The following PRKN variants were observed in gnomAD, a reference collection of about 807,000 sequenced individuals.
PRKN encodes E3 ubiquitin-protein ligase parkin.
A neutral mutation model predicts 59.5 loss-of-function variants in PRKN; 56 were observed. The observed-to-expected ratio is 0.94, with a 90% CI of 0.76 to 1.18. PRKN has a LOEUF of 1.18. PRKN is among the 50% of genes most tolerant of loss of function. The pLI is 0.00. For synonymous variants in PRKN, 250 were observed against 222.1 expected, an observed-to-expected ratio of 1.13 and a Z score of -1.12; for missense variants, 657 against 596.4, an observed-to-expected ratio of 1.10 and a Z score of -1.06.
chr6:161,516,339 T>C (rs1004567273), intron 9 of PRKN, among the ~76,000 whole-genome samples: 1 of 149,902 alleles, frequency 6.7e-6, no homozygotes, highest in Admixed American at 6.6e-5. Flanking sequence ...TGATGGCGGG[T>C]GCCTGTAATT....
rs11757890 is a variant in PRKN, at chr6:162,584,225, C to A, written c.8-140752G>T. On this transcript the variant is annotated intron_variant, in intron 1 of 11. Transcript: ENST00000366898. ...GAGACTCCGTCTCAAAAAAAAAAAACAAAAAACAAAAAACAAAAAACAAAA... is the reference window on the plus strand; with the variant it reads ...GAGACTCCGTCTCAAAAAAAAAAAAAAAAAAACAAAAAACAAAAAACAAAA... Among the ~76,000 whole-genome samples the A allele has an allele frequency of 6.4e-3, 440 of 69,224 alleles. 25 individuals are homozygous for A. Among genetic ancestry groups the A allele is most frequent in the Middle Eastern group, 0.043 (5 of 116 alleles). 45.4% of individuals were successfully genotyped at this position (69,224 alleles called of 152,430 possible).
At chr6:161,864,922 G>C (rs951698277) in intron 6 of PRKN, among the ~76,000 whole-genome samples, 2 of 152,112 alleles carry the variant, frequency 1.3e-5, no homozygotes, top group Non-Finnish European at 2.9e-5. Context: ...ACAAAGTGCT[G>C]GGATTACAGG....
At chr6:161,596,115 C>A (rs1781903293) in intron 7 of PRKN, among the ~76,000 whole-genome samples, 1 of 152,142 alleles carries the variant, frequency 6.6e-6, no homozygotes, top group Non-Finnish European at 1.5e-5. Context: ...CTGTACAAAG[C>A]TTGCTATACC....
intron 5 of PRKN, among the ~76,000 whole-genome samples, chr6:162,021,455 ATATATATTTT>A (rs149921401): frequency 0.14 from 6,702 of 49,152 alleles, 187 homozygotes; most frequent in African/African-American, 0.17. Flanking sequence ...ATATATATAT[ATATATATTTT>A]TTTTTTTTTT....
chr6:162,258,532 TA>T (rs11314776), intron 3 of PRKN, among the ~76,000 whole-genome samples: 73,538 of 152,034 alleles, frequency 0.48, 20,801 homozygotes, highest in East Asian at 0.79. Context: ...GAAAATGTAG[TA>T]AAAATAGATT....
intron 1 of PRKN, among the ~76,000 whole-genome samples, chr6:162,637,223 C>T (rs1027622185): frequency 2.6e-5 from 4 of 151,884 alleles, no homozygotes; most frequent in Admixed American, 6.6e-5. Flanking sequence ...CGCCGCTGCA[C>T]TCCAGCCCTG....
intron 5 of PRKN, among the ~76,000 whole-genome samples, chr6:162,015,611 T>G (rs1011347537): frequency 6.6e-6 from 1 of 152,198 alleles, no homozygotes; most frequent in Non-Finnish European, 1.5e-5. Context: ...CTTTCTCCCC[T>G]GTCACCTTCC....
Position 161,554,599 on chromosome 6 carries a change from A to G in PRKN, c.934-5596T>C, listed in dbSNP as rs935189650. On this transcript the variant is annotated intron_variant, in intron 8 of 11. Coordinates refer to ENST00000366898, the MANE Select transcript of PRKN (RefSeq NM_004562.3). The surrounding 1 kb of genome is among the most constrained non-coding windows in gnomAD (Gnocchi z 4.5). Reference sequence around the variant, plus strand: ...TTATTTAGGGCTTTTATTCTTGATAATGAGTTTGGCTGCATAAAAAATCTT... The same window carrying G: ...TTATTTAGGGCTTTTATTCTTGATAGTGAGTTTGGCTGCATAAAAAATCTT... Among the ~76,000 whole-genome samples the G allele has an allele frequency of 1.3e-5, 2 of 152,000 alleles. No homozygotes were observed. The highest frequency in any genetic ancestry group is 4.8e-5 in the African/African-American group (2 of 41,380).
chr6:162,232,999 T>C (rs890889442), intron 3 of PRKN, among the ~76,000 whole-genome samples: 6 of 152,302 alleles, frequency 3.9e-5, no homozygotes, highest in Admixed American at 6.5e-5. Context: ...AGTGTGTTTA[T>C]TTATTTTGCA....
chr6:161,624,888 T>C (rs1162275485), intron 7 of PRKN, among the ~76,000 whole-genome samples: 1 of 152,234 alleles, frequency 6.6e-6, no homozygotes, highest in Non-Finnish European at 1.5e-5. Context: ...GATACGATAG[T>C]TGAATTCCTA....
At chr6:161,603,851 G>A (rs559080723) in intron 7 of PRKN, among the ~76,000 whole-genome samples, 1 of 152,300 alleles carries the variant, frequency 6.6e-6, no homozygotes, top group Admixed American at 6.5e-5. Context: ...AGCTGAAAGG[G>A]AAATCCAAGA....
In PRKN at chr6:162,128,703, G is replaced by C. The variant is rs574192751; in HGVS notation, c.534+72428C>G. The stretch of plus-strand genomic sequence containing the variant: ...CTAATCCCCAATGTGATAGCATTAA[G>C]GGTGGGGGCCTTTGGGAAGTGATTA... On this transcript the variant is annotated intron_variant, in intron 4 of 11. Coordinates refer to ENST00000366898, the MANE Select transcript of PRKN (RefSeq NM_004562.3). Among the ~76,000 whole-genome samples, 17 of 152,318 alleles carry C rather than the reference G, an allele frequency of 1.1e-4. No individual in the cohort carries two copies. In the East Asian group the frequency reaches 1.4e-3, roughly 12 times the overall value.
At chr6:162,134,307 C>CA (rs1329004565) in intron 4 of PRKN, among the ~76,000 whole-genome samples, 2 of 152,132 alleles carry the variant, frequency 1.3e-5, no homozygotes, top group Non-Finnish European at 2.9e-5. Flanking sequence ...ATCTGGGAAG[C>CA]AAGATAGCAC....
At position 162,610,817 on chromosome 6, in the gene PRKN, T is replaced by A. The variant is rs375355011; in HGVS notation, c.7+116845A>T. On this transcript the variant is annotated intron_variant, in intron 1 of 11. Coordinates refer to ENST00000366898, the MANE Select transcript of PRKN (RefSeq NM_004562.3). Reference sequence around the variant, plus strand: ...CATCTCTATAGCAGGAATCCTTAATTCATTCGAGATTTTATGATAAATTTT... The same window carrying A: ...CATCTCTATAGCAGGAATCCTTAATACATTCGAGATTTTATGATAAATTTT... Among the ~76,000 whole-genome samples the A allele has an allele frequency of 9.8e-4, 150 of 152,308 alleles. 1 individual carries two copies. The highest frequency in any genetic ancestry group is 3.5e-3 in the African/African-American group (144 of 41,576).
At chr6:161,516,599 T>A (rs509205) in intron 9 of PRKN, among the ~76,000 whole-genome samples, 106,202 of 150,572 alleles carry the variant, frequency 0.71, 37,498 homozygotes, top group Middle Eastern at 0.8. Context: ...AGGCCGAGAC[T>A]GGTGGATCAC....
At position 161,370,065 on chromosome 6, in the gene PRKN, G is replaced by T. The variant is rs542808705; in HGVS notation, c.1168-9860C>A. 135 of 392,584 alleles carry T rather than the reference G, an allele frequency of 3.4e-4. 1 individual carries two copies. Among genetic ancestry groups the T allele is most frequent in the African/African-American group, 2.6e-3 (130 of 49,396 alleles). The allele number at this position is 392,584 out of a possible 1,614,324, so 24.3% of individuals were successfully genotyped here. The stretch of plus-strand genomic sequence containing the variant: ...ATCACGATCATCTCTAAAGAGATGG[G>T]AATATGACCCTGTGGGAGTTTGTAC... On this transcript the variant is annotated intron_variant, in intron 10 of 11. Coordinates refer to ENST00000366898, the MANE Select transcript of PRKN (RefSeq NM_004562.3).
At chr6:162,653,329 T>TCTGC (rs5881489) in intron 1 of PRKN, among the ~76,000 whole-genome samples, 2 of 151,718 alleles carry the variant, frequency 1.3e-5, no homozygotes, top group East Asian at 3.9e-4. Flanking sequence ...TGTGTGTGTG[T>TCTGC]GTGTTTGTGT....
At chr6:162,330,433 A>G (rs1783519159) in intron 2 of PRKN, among the ~76,000 whole-genome samples, 1 of 151,560 alleles carries the variant, frequency 6.6e-6, no homozygotes, top group Admixed American at 6.6e-5. Context: ...TATAAAAGAA[A>G]GCAAACAGCT....
chr6:161,431,940 T>C (rs1368193520), intron 9 of PRKN, among the ~76,000 whole-genome samples: 3 of 152,216 alleles, frequency 2.0e-5, no homozygotes, highest in East Asian at 3.8e-4. Flanking sequence ...TATAGCTATA[T>C]CTACGTTTAA....
Sources: gnomAD v4.1 joint callset for allele counts (sites outside exome capture counted in the v4.1 genomes callset) on GRCh38, gnomAD v4.1.1 for gene constraint, Gnocchi (gnomAD v3.1) non-coding constraint, MANE v1.5 for transcripts, NCBI Gene and HGNC (gene_info 2026-07-23, HGNC 2026-07-21) for gene names.